DPY19L4: variants seen among roughly 807,000 people sequenced by gnomAD.
The protein encoded by DPY19L4 is dpy-19 like 4.
DPY19L4 carries 97 observed loss-of-function variants against 102.8 expected under a neutral mutation model. The ratio of observed to expected loss-of-function variants is 0.94; its 90% CI spans 0.80 to 1.12. The LOEUF (loss-of-function observed/expected upper bound fraction) is 1.12, where lower values mean the gene tolerates loss of function less well. DPY19L4 is among the 50% of genes most tolerant of loss of function. The pLI, the probability that DPY19L4 is intolerant of heterozygous loss-of-function variation, is 0.00. For synonymous variants in DPY19L4, 252 were observed against 283.1 expected, an observed-to-expected ratio of 0.89 and a Z score of 1.10; for missense variants, 815 against 850.4, an observed-to-expected ratio of 0.96 and a Z score of 0.52.
At chr8:94,732,954 GCACCCGCCAC>G (rs557689492) in intron 2 of DPY19L4, among the ~76,000 whole-genome samples, 8 of 151,006 alleles carry the variant, frequency 5.3e-5, no homozygotes, top group Admixed American at 3.3e-4. Context: ...GGGATTACAG[GCACCCGCCAC>G]CACCACATGG....
chr8:94,732,811 C>CTTTTTTTTTTTT (rs10624368), intron 2 of DPY19L4, among the ~76,000 whole-genome samples: 11 of 128,074 alleles, frequency 8.6e-5, no homozygotes, highest in Non-Finnish European at 1.4e-4. Context: ...CTTTTTCTTT[C>CTTTTTTTTTTTT]TTTTTTTTTT....
rs1428823864 is a variant in DPY19L4 at position 94,792,093 on chromosome 8, T to C, written c.*2183T>C. The C allele has an allele frequency of 6.6e-6, 1 of 152,166 alleles. No homozygotes were observed. 9.4% of individuals were successfully genotyped at this position (152,166 alleles called of 1,614,324 possible). ...CTTAGGTAACTTACAGTTGTTAGGTTTGACAATAAAGATCTACTATGAGAG... is the reference window on the plus strand; with the variant it reads ...CTTAGGTAACTTACAGTTGTTAGGTCTGACAATAAAGATCTACTATGAGAG... On this transcript the variant is annotated 3_prime_UTR_variant, in exon 19 of 19. Transcript: ENST00000414645.
intron 13 of DPY19L4, among the ~76,000 whole-genome samples, chr8:94,771,204 C>T (rs1051279906): frequency 6.6e-6 from 1 of 152,054 alleles, no homozygotes; most frequent in South Asian, 2.1e-4. Context: ...CGTGAGCCAC[C>T]GCACCCAGCA....
intron 2 of DPY19L4, among the ~76,000 whole-genome samples, chr8:94,728,681 G>C (rs1369175983): frequency 6.6e-6 from 1 of 152,196 alleles, no homozygotes; most frequent in Non-Finnish European, 1.5e-5. Flanking sequence ...ACTGTTTCCT[G>C]TGAACAGTTG....
chr8:94,730,806 T>C (rs1252645226), intron 2 of DPY19L4, among the ~76,000 whole-genome samples: 7 of 138,284 alleles, frequency 5.1e-5, no homozygotes, highest in African/African-American at 1.9e-4. Context: ...AGTGCAGTGG[T>C]GTGATCTCAG....
intron 14 of DPY19L4, 109 bp from the exon 15 acceptor site, chr8:94,780,250 T>G (rs1813369430): frequency 1.2e-6 from 1 of 838,704 alleles, no homozygotes; most frequent in South Asian, 4.4e-5. Context: ...TTTTTTGAAA[T>G]TTGTATAACT....
At chr8:94,780,008 A>T (rs1436454184) in intron 14 of DPY19L4, among the ~76,000 whole-genome samples, 1 of 152,082 alleles carries the variant, frequency 6.6e-6, no homozygotes, top group East Asian at 1.9e-4. Context: ...TTAGCTTTTC[A>T]TGTAGTAGTG....
intron 15 of DPY19L4, among the ~76,000 whole-genome samples, chr8:94,780,641 A>C (rs965435695): frequency 6.6e-6 from 1 of 152,118 alleles, no homozygotes; most frequent in Admixed American, 6.5e-5. Context: ...TGCTAGTGTT[A>C]ATTCAGTTTA....
chr8:94,776,223 G>A (rs556998578), intron 13 of DPY19L4, among the ~76,000 whole-genome samples: 9 of 151,314 alleles, frequency 5.9e-5, no homozygotes, highest in African/African-American at 2.2e-4. Flanking sequence ...TAATAGAGAC[G>A]GGGTTTCACC....
chr8:94,739,904 A>C, intron 6 of DPY19L4, 114 bp downstream of exon 6: 1 of 1,226,164 alleles, frequency 8.2e-7, no homozygotes, highest in South Asian at 1.4e-5. Flanking sequence ...GAACCTATGA[A>C]TATGATGAGA....
intron 14 of DPY19L4, 103 bp downstream of exon 14, chr8:94,777,889 A>C: frequency 7.5e-7 from 1 of 1,331,968 alleles, no homozygotes; most frequent in South Asian, 1.5e-5. Flanking sequence ...AGTAAATTAC[A>C]TGATGACTTA....
chr8:94,719,908 G>GC lies in DPY19L4; in HGVS notation c.-86dup. On this transcript the variant is annotated 5_prime_UTR_variant, in exon 1 of 19. Transcript: ENST00000414645. ...GTGGGGGCGCGGCGGCCAGGAGCGGGCCCCCGGAGGCCGAGGGGTTCGGCG... is the reference window on the plus strand; with the variant it reads ...GTGGGGGCGCGGCGGCCAGGAGCGGGCCCCCCGGAGGCCGAGGGGTTCGGCG... 1 of 1,386,046 alleles carries GC rather than the reference G, an allele frequency of 7.2e-7. No homozygotes were observed. The highest frequency in any genetic ancestry group is 9.4e-7 in the Non-Finnish European group (1 of 1,058,372). The allele number at this position is 1,386,046 out of a possible 1,614,324, so 85.9% of individuals were successfully genotyped here. A position where few individuals can be genotyped will look rare whatever the true frequency, so the allele number is the denominator to read the frequency against.
chr8:94,737,267 C>G (rs972993375), intron 3 of DPY19L4, among the ~76,000 whole-genome samples: 2 of 152,034 alleles, frequency 1.3e-5, no homozygotes, highest in Middle Eastern at 3.2e-3. Context: ...CTCACTGCAA[C>G]CTGTGCCGCC....
chr8:94,761,674 T>C, intron 7 of DPY19L4, 26 bp from the exon 8 acceptor site: 2 of 1,560,708 alleles, frequency 1.3e-6, no homozygotes, highest in Non-Finnish European at 1.7e-6. Flanking sequence ...TATTGATATT[T>C]AGTTTCTTTC....
chr8:94,759,266 C>G (rs193178164), intron 7 of DPY19L4, among the ~76,000 whole-genome samples: 2 of 152,066 alleles, frequency 1.3e-5, no homozygotes, highest in Non-Finnish European at 2.9e-5. Context: ...CCTATCAGAG[C>G]GCCCTTTTTT....
intron 6 of DPY19L4, chr8:94,744,439 C>A (rs1202923886): frequency 4.4e-6 from 2 of 456,658 alleles, no homozygotes; most frequent in Non-Finnish European, 8.8e-6. Flanking sequence ...TCTGTTATAA[C>A]CTCATCTTAG....
chr8:94,735,977 A>G lies in DPY19L4; in HGVS notation c.252+1223A>G, dbSNP rs1811172323. Among the ~76,000 whole-genome samples, 2 of 152,216 alleles carry G rather than the reference A, an allele frequency of 1.3e-5. 1 individual carries two copies. The highest frequency in any genetic ancestry group is 2.9e-5 in the Non-Finnish European group (2 of 68,046). ...TCAGGCTGCTATAACAAAGTACCAT[A>G]AGCTTATAAACAACAGAATGGCTTG... On this transcript the variant is annotated intron_variant, in intron 3 of 18. Transcript: ENST00000414645.
At chr8:94,770,974 G>A (rs906753962) in intron 13 of DPY19L4, among the ~76,000 whole-genome samples, 1 of 150,370 alleles carries the variant, frequency 6.7e-6, no homozygotes, top group Non-Finnish European at 1.5e-5. Flanking sequence ...GAGTGCAGTG[G>A]TGCAATCTCA....
intron 6 of DPY19L4, among the ~76,000 whole-genome samples, chr8:94,748,140 T>TTAC (rs774736484): frequency 4.0e-5 from 6 of 151,570 alleles, no homozygotes; most frequent in African/African-American, 7.3e-5. Flanking sequence ...TCGAGGGAGG[T>TTAC]GGTAAAGGGG....
Sources: allele counts gnomAD v4.1 joint callset (sites outside exome capture counted in the v4.1 genomes callset), GRCh38; gene constraint gnomAD v4.1.1; transcripts MANE v1.5; gene names NCBI Gene and HGNC (gene_info 2026-07-23, HGNC 2026-07-21).